The following ATP10B variants were observed in gnomAD, a reference collection of about 807,000 sequenced individuals.
The protein encoded by ATP10B is phospholipid-transporting ATPase VB.
Under a neutral mutation model 141.2 loss-of-function variants are expected in ATP10B, and 122 were observed. The observed-to-expected ratio is 0.86, with a 90% CI of 0.75 to 1.00. The LOEUF (loss-of-function observed/expected upper bound fraction) is 1.00, where lower values mean the gene tolerates loss of function less well. Among genes scored for constraint, ATP10B ranks in the 50% least tolerant of loss-of-function variants. ATP10B has a pLI of 0.00. For missense variants in ATP10B, 1,876 were observed against 1,825.3 expected (o/e 1.03, Z -0.51); for synonymous variants, 685 against 692.0 (o/e 0.99, Z 0.16).
chr5:160,719,724 C>T (rs530567130), intron 2 of ATP10B, among the ~76,000 whole-genome samples: 12 of 152,278 alleles, frequency 7.9e-5, no homozygotes, highest in South Asian at 6.2e-4. Flanking sequence ...GCCATTATTT[C>T]GTCCATTCTA....
At chr5:160,828,895 A>G (rs1365853379) in intron 1 of ATP10B, among the ~76,000 whole-genome samples, 1 of 148,600 alleles carries the variant, frequency 6.7e-6, no homozygotes, top group Non-Finnish European at 1.5e-5. Context: ...TGATGAGTTC[A>G]TGTCATTTGT....
the ATP10B span, among the ~76,000 whole-genome samples, chr5:160,906,211 C>T: frequency 6.6e-6 from 1 of 152,136 alleles, no homozygotes; most frequent in Non-Finnish European, 1.5e-5. Flanking sequence ...AAATATTCTT[C>T]TATCTTTCTT....
At chr5:160,715,284 C>G (rs1403654588) in intron 3 of ATP10B, among the ~76,000 whole-genome samples, 62 of 128,938 alleles carry the variant, frequency 4.8e-4, no homozygotes, top group South Asian at 1.6e-3. Flanking sequence ...GGGCGTAGAA[C>G]CCTCTGAGCC....
chr5:160,792,813 C>G (rs1581541453), intron 1 of ATP10B, among the ~76,000 whole-genome samples: 1 of 152,140 alleles, frequency 6.6e-6, no homozygotes, highest in Non-Finnish European at 1.5e-5. Context: ...TCACTCTTGG[C>G]CTGTGGGTCG....
chr5:160,661,755 T>C (rs892304106), intron 7 of ATP10B, among the ~76,000 whole-genome samples: 1 of 152,130 alleles, frequency 6.6e-6, no homozygotes, highest in Non-Finnish European at 1.5e-5. Context: ...GGATGCCCTC[T>C]CTCACCACTC....
the ATP10B span, among the ~76,000 whole-genome samples, chr5:160,922,391 G>A: frequency 1.2e-4 from 18 of 152,272 alleles, no homozygotes; most frequent in African/African-American, 4.3e-4. Context: ...GGCCTGCCAC[G>A]TTGTTAGTGC....
chr5:160,880,185 T>C, the ATP10B span, among the ~76,000 whole-genome samples: 2 of 144,154 alleles, frequency 1.4e-5, no homozygotes, highest in Non-Finnish European at 3.0e-5. Context: ...ATAATGTAAA[T>C]ATTTTTATAT....
At chr5:160,888,238 T>C in the ATP10B span, among the ~76,000 whole-genome samples, 2 of 152,118 alleles carry the variant, frequency 1.3e-5, no homozygotes, top group Non-Finnish European at 2.9e-5. Context: ...AAAATAAATG[T>C]ATAATGCTGA....
chr5:160,814,203 C>G (rs1400905893), intron 1 of ATP10B, among the ~76,000 whole-genome samples: 4 of 151,990 alleles, frequency 2.6e-5, no homozygotes, highest in Non-Finnish European at 5.9e-5. Flanking sequence ...GGAGGAAGTT[C>G]GAACCCATGG....
At chr5:160,761,821 A>T (rs1356301536) in intron 2 of ATP10B, among the ~76,000 whole-genome samples, 4 of 134,764 alleles carry the variant, frequency 3.0e-5, no homozygotes, top group Non-Finnish European at 5.1e-5. Flanking sequence ...GTCCAACTTT[A>T]AAAAATTTAA....
intron 7 of ATP10B, among the ~76,000 whole-genome samples, chr5:160,653,598 CATATATACATATATACATATATATTAT>C (rs1561705095): frequency 0.018 from 1,522 of 83,842 alleles, 32 homozygotes; most frequent in Non-Finnish European, 0.024. Flanking sequence ...TACATATATA[CATATATACATATATACATATATATTAT>C]ATATACATAT....
At chr5:160,652,694 A>T (rs888258483) in intron 7 of ATP10B, among the ~76,000 whole-genome samples, 2 of 129,518 alleles carry the variant, frequency 1.5e-5, no homozygotes, top group Admixed American at 9.3e-5. Flanking sequence ...CATATGTATA[A>T]ATAATATATA....
intron 12 of ATP10B, 135 bp from the exon 13 acceptor site, chr5:160,632,502 T>C (rs1168297688): frequency 2.7e-6 from 2 of 754,608 alleles, no homozygotes; most frequent in East Asian, 2.5e-5. Context: ...GCATCTGGGC[T>C]ACCAAGACTG....
At chr5:160,789,981 T>C (rs76490757) in intron 1 of ATP10B, among the ~76,000 whole-genome samples, 2,358 of 152,228 alleles carry the variant, frequency 0.015, 58 homozygotes, top group African/African-American at 0.054. Flanking sequence ...AATAGGCAAA[T>C]TCCTTATCCT....
intron 2 of ATP10B, among the ~76,000 whole-genome samples, chr5:160,777,522 T>C (rs1400722266): frequency 6.6e-6 from 1 of 152,242 alleles, no homozygotes; most frequent in African/African-American, 2.4e-5. Context: ...CTTTCTCTCA[T>C]GGTAGCATTG....
At chr5:160,759,498 A>G (rs1307799886) in intron 2 of ATP10B, among the ~76,000 whole-genome samples, 1 of 152,232 alleles carries the variant, frequency 6.6e-6, no homozygotes, top group African/African-American at 2.4e-5. Flanking sequence ...AAAATAAATG[A>G]ACAATTTTTT....
At chr5:160,611,434 A>G (rs1757714845) in intron 18 of ATP10B, among the ~76,000 whole-genome samples, 1 of 152,218 alleles carries the variant, frequency 6.6e-6, no homozygotes, top group African/African-American at 2.4e-5. Context: ...ACAGGGATCA[A>G]GCATTCAAGC....
intron 2 of ATP10B, among the ~76,000 whole-genome samples, chr5:160,765,343 C>G (rs1769323298): frequency 6.6e-6 from 1 of 152,060 alleles, no homozygotes; most frequent in Non-Finnish European, 1.5e-5. Context: ...GATACAGTTA[C>G]CAAAACAGCA....
intron 1 of ATP10B, among the ~76,000 whole-genome samples, chr5:160,835,523 T>C (rs1775368739): frequency 6.6e-6 from 1 of 152,174 alleles, no homozygotes; most frequent in South Asian, 2.1e-4. Flanking sequence ...TACTTTTGGA[T>C]CTTGACCCAC....
Sources: allele counts gnomAD v4.1 joint callset (sites outside exome capture counted in the v4.1 genomes callset), GRCh38; gene constraint gnomAD v4.1.1; transcripts MANE v1.5; gene names NCBI Gene and HGNC (gene_info 2026-07-23, HGNC 2026-07-21).